The following E2F6 variants were observed in gnomAD, a reference collection of about 807,000 sequenced individuals.
The protein encoded by E2F6 is E2F transcription factor 6, also known as transcription factor E2F6.
In E2F6, 19 loss-of-function variants were observed where a neutral mutation model predicts 31.5. The observed-to-expected ratio is 0.60, with a 90% CI of 0.42 to 0.89. E2F6 has a LOEUF of 0.89. Ranked by LOEUF, E2F6 falls within the 40% of genes least tolerant of loss-of-function variation. E2F6 has a pLI of 0.00. For missense variants in E2F6, 269 were observed against 341.6 expected, an observed-to-expected ratio of 0.79 and a Z score of 1.67; for synonymous variants, 121 against 127.7, an observed-to-expected ratio of 0.95 and a Z score of 0.36.
At chr2:11,465,667 G>A (rs1364022452) in intron 1 of E2F6, 105 bp downstream of exon 1, 2 of 1,179,960 alleles carry the variant, frequency 1.7e-6, no homozygotes, top group Non-Finnish European at 2.4e-6. Flanking sequence ...GGCCCAGGGG[G>A]AGCAGACGAC....
Position 11,444,506 on chromosome 2 carries a change from A to ACTTGTGC in E2F6, c.*1970_*1971insGCACAAG, listed in dbSNP as rs1670605546. The ACTTGTGC allele has an allele frequency of 6.6e-6, 1 of 152,208 alleles. No individual in the cohort carries two copies. The highest frequency in any genetic ancestry group is 6.5e-5 in the Admixed American group (1 of 15,286). 9.4% of individuals were successfully genotyped at this position (152,208 alleles called of 1,614,324 possible). A position where few individuals can be genotyped will look rare whatever the true frequency, so the allele number is the denominator to read the frequency against. On this transcript the variant is annotated 3_prime_UTR_variant, in exon 7 of 7. Transcript: ENST00000381525. The stretch of plus-strand genomic sequence containing the variant: ...CATTTGCCACATTCACAAGTTAAGG[A>ACTTGTGC]ACTGCTGCTCAGAAATGATGGTATT...
intron 1 of E2F6, among the ~76,000 whole-genome samples, chr2:11,460,254 GC>G (rs2148358498): frequency 6.6e-6 from 1 of 152,276 alleles, no homozygotes; most frequent in East Asian, 1.9e-4. Flanking sequence ...GTTTTGGGGA[GC>G]AATATTCCTT....
At chr2:11,460,068 T>G (rs2148358130) in intron 1 of E2F6, among the ~76,000 whole-genome samples, 1 of 152,216 alleles carries the variant, frequency 6.6e-6, no homozygotes, top group East Asian at 1.9e-4. Context: ...TCCAAGCTAT[T>G]TCACCACTGC....
intron 1 of E2F6, among the ~76,000 whole-genome samples, chr2:11,460,786 G>A (rs886701641): frequency 2.6e-5 from 4 of 152,150 alleles, no homozygotes; most frequent in African/African-American, 7.2e-5. Flanking sequence ...ACTGAATACT[G>A]TAGATAACGG....
At chr2:11,450,239 G>T in intron 4 of E2F6, 113 bp from the exon 5 acceptor site, 1 of 530,202 alleles carries the variant, frequency 1.9e-6, no homozygotes, top group South Asian at 3.7e-5. Flanking sequence ...GTTTTTATGA[G>T]ATACAAGTTC....
chr2:11,459,488 GTTTTT>G (rs748972268), intron 1 of E2F6, among the ~76,000 whole-genome samples: 1 of 151,282 alleles, frequency 6.6e-6, no homozygotes, highest in African/African-American at 2.4e-5. Context: ...GCATTCATTT[GTTTTT>G]TTTTCCTCTT....
At chr2:11,454,839 T>C (rs1322633759) in intron 2 of E2F6, among the ~76,000 whole-genome samples, 2 of 152,078 alleles carry the variant, frequency 1.3e-5, no homozygotes, top group Admixed American at 6.6e-5. Context: ...AATAGGACCA[T>C]GCAATTTTGC....
At chr2:11,465,677 C>A in intron 1 of E2F6, 95 bp downstream of exon 1, 2 of 1,338,130 alleles carry the variant, frequency 1.5e-6, no homozygotes, top group South Asian at 1.3e-5. Context: ...GAGCAGACGA[C>A]CCAGACGACG....
In E2F6 at chr2:11,465,873, G is replaced by T. The variant is rs1226089659; in HGVS notation, c.7C>A (p.Gln3Lys). The T allele has an allele frequency of 6.4e-7, 1 of 1,557,626 alleles. No homozygotes were observed. The highest frequency in any genetic ancestry group is 2.4e-5 in the East Asian group (1 of 41,728). The change falls in exon 1 of 7, where the codon CAG becomes AAG. Residue 3 changes from glutamine (Q) to lysine (K), a missense_variant. By Grantham distance (53) the Gln-to-Lys change is moderately conservative (BLOSUM62 1). Transcript: ENST00000381525. Reference sequence around the variant, plus strand: ...GGTAACTTCCTCGCCGGCCGCTGCTGACTCATGCTGCCCGGCCGGGCGTCC... The same window carrying T: ...GGTAACTTCCTCGCCGGCCGCTGCTTACTCATGCTGCCCGGCCGGGCGTCC... MS[Q>K]QRPARKLPSL...
At chr2:11,457,330 A>C (rs1671468847) in intron 1 of E2F6, 97 bp from the exon 2 acceptor site, 8 of 788,840 alleles carry the variant, frequency 1.0e-5, no homozygotes, top group Non-Finnish European at 1.7e-5. Context: ...GGGAATATGA[A>C]TATGATAATT....
In E2F6 at chr2:11,450,876, C is replaced by T. The variant is rs1572492300; in HGVS notation, c.537-750G>A. Among the ~76,000 whole-genome samples, 4 of 151,954 alleles carry T rather than the reference C, an allele frequency of 2.6e-5. No individual in the cohort carries two copies. In the South Asian group the frequency reaches 8.3e-4, roughly 32 times the overall value. On this transcript the variant is annotated intron_variant, in intron 4 of 6. Coordinates refer to ENST00000381525, the MANE Select transcript of E2F6 (RefSeq NM_198256.4). ...AGTAAATATGAGGTATGGGATAGCT[C>T]AGAATCAGTGAGCCCCTCAAAGGGT...
Position 11,457,169 on chromosome 2 carries a change from A to C in E2F6, c.163+10T>G, listed in dbSNP as rs1198388477. The stretch of plus-strand genomic sequence containing the variant: ...AACAAAACCTAAAACCTATTCAGGA[A>C]TCAACTTACTTCTCATGGACACATA... On this transcript the variant is annotated intron_variant, in intron 2 of 6. Coordinates refer to ENST00000381525, the MANE Select transcript of E2F6 (RefSeq NM_198256.4). 4.5e-6 allele frequency: 7 copies of C among 1,541,420 alleles called. No individual in the cohort carries two copies. The highest frequency in any genetic ancestry group is 6.3e-6 in the Non-Finnish European group (7 of 1,118,432).
chr2:11,461,148 G>A (rs958093933), intron 1 of E2F6, among the ~76,000 whole-genome samples: 1 of 152,106 alleles, frequency 6.6e-6, no homozygotes, highest in African/African-American at 2.4e-5. Context: ...AGACAGGGGT[G>A]GAAAGGATGA....
chr2:11,464,232 G>A (rs1038454459), intron 1 of E2F6, among the ~76,000 whole-genome samples: 1 of 152,070 alleles, frequency 6.6e-6, no homozygotes, highest in Non-Finnish European at 1.5e-5. Flanking sequence ...AACAGTGAGT[G>A]TAAATAACCT....
intron 1 of E2F6, among the ~76,000 whole-genome samples, chr2:11,464,750 T>C (rs1672028978): frequency 6.6e-6 from 1 of 152,114 alleles, no homozygotes; most frequent in Non-Finnish European, 1.5e-5. Flanking sequence ...CAAGTCTGTT[T>C]TGGCAACCGT....
intron 5 of E2F6, among the ~76,000 whole-genome samples, chr2:11,448,976 C>A (rs1047709959): frequency 6.6e-6 from 1 of 152,164 alleles, no homozygotes; most frequent in Admixed American, 6.5e-5. Flanking sequence ...GCCAAGAGGG[C>A]CCATGTGCAG....
At position 11,445,025 on chromosome 2, in the gene E2F6, G is replaced by C. The variant is rs1366026638; in HGVS notation, c.*1452C>G. Reference sequence around the variant, plus strand: ...CCAGGTGCACAGAAACACACCGGCAGGACTGCTGCAGGAAGGGCTGGTGCT... The same window carrying C: ...CCAGGTGCACAGAAACACACCGGCACGACTGCTGCAGGAAGGGCTGGTGCT... On this transcript the variant is annotated 3_prime_UTR_variant, in exon 7 of 7. Coordinates refer to ENST00000381525, the MANE Select transcript of E2F6 (RefSeq NM_198256.4). 6.6e-6 allele frequency: 1 copy of C among 152,238 alleles called. No homozygotes were observed. The highest frequency in any genetic ancestry group is 2.4e-5 in the African/African-American group (1 of 41,442). 9.4% of individuals were successfully genotyped at this position (152,238 alleles called of 1,614,324 possible). A position where few individuals can be genotyped will look rare whatever the true frequency, so the allele number is the denominator to read the frequency against.
At position 11,445,590 on chromosome 2, in the gene E2F6, C is replaced by A. The variant is rs1227697869; in HGVS notation, c.*887G>T. 6.6e-6 allele frequency: 1 copy of A among 152,008 alleles called. No homozygotes were observed. Among genetic ancestry groups the A allele is most frequent in the Non-Finnish European group, 1.5e-5 (1 of 67,968 alleles). The allele number at this position is 152,008 out of a possible 1,614,324, so 9.4% of individuals were successfully genotyped here. ...ACACAAACATTACAAAATCTACTTG[C>A]AAAAACCTGAAAGGAGTTTCCAATT... On this transcript the variant is annotated 3_prime_UTR_variant, in exon 7 of 7. Transcript: ENST00000381525.
rs115272681 is a variant in E2F6 at position 11,460,812 on chromosome 2, T to C, written c.109-3579A>G. On this transcript the variant is annotated intron_variant, in intron 1 of 6. Transcript: ENST00000381525. ...TAGATAACGGTAACTAACAGAATGG[T>C]ATTTGTGCATCTAAACATAGAAAAG... is the stretch of plus-strand genomic sequence containing the variant. 9.6e-3 allele frequency among the ~76,000 whole-genome samples: 1,467 copies of C among 152,300 alleles called. 18 individuals are homozygous for C. The highest frequency in any genetic ancestry group is 0.033 in the African/African-American group (1,387 of 41,552).
Sources: gnomAD v4.1 joint callset for allele counts (sites outside exome capture counted in the v4.1 genomes callset) on GRCh38, gnomAD v4.1.1 for gene constraint, MANE v1.5 for transcripts, NCBI Gene and HGNC (gene_info 2026-07-23, HGNC 2026-07-21) for gene names.